DCTN4: variants seen among roughly 807,000 people sequenced by gnomAD.
The protein encoded by DCTN4 is dynactin 4 (p62).
A neutral mutation model predicts 62.7 loss-of-function variants in DCTN4; 23 were observed. The observed-to-expected ratio is 0.37, with a 90% CI of 0.26 to 0.52. The LOEUF (loss-of-function observed/expected upper bound fraction) is 0.52. Among genes scored for constraint, DCTN4 ranks in the 20% least tolerant of loss-of-function variants. The pLI, the probability that DCTN4 is intolerant of heterozygous loss-of-function variation, is 0.92. For missense variants in DCTN4, 514 were observed against 580.4 expected, an observed-to-expected ratio of 0.89 and a Z score of 1.18; for synonymous variants, 199 against 202.1, an observed-to-expected ratio of 0.98 and a Z score of 0.13.
chr5:150,731,070 T>G lies in DCTN4; in HGVS notation c.698A>C (p.Tyr233Ser), dbSNP rs543351232. ...DEVEPLPEDY[Y>S]TRPVNLTEVT... ...CTCTGTTAAATTTACTGGTCTTGTA[T>G]AATAGTCTTCAGGTAGAGGTTCCAC... The change falls in exon 7 of 13, where the codon TAT (tyrosine) becomes TCT (serine). Residue 233 changes from tyrosine to serine, a missense_variant. Coordinates refer to ENST00000447998, the MANE Select transcript of DCTN4 (RefSeq NM_016221.4). 1 of 1,607,000 alleles carries G rather than the reference T, an allele frequency of 6.2e-7. No individual in the cohort carries two copies. Among genetic ancestry groups the G allele is most frequent in the African/African-American group, 1.3e-5 (1 of 74,940 alleles).
At chr5:150,738,487 C>T (rs906203212) in intron 4 of DCTN4, among the ~76,000 whole-genome samples, 3 of 152,104 alleles carry the variant, frequency 2.0e-5, no homozygotes, top group Admixed American at 2.0e-4. Flanking sequence ...ATGTAATACA[C>T]CACATAAACA....
intron 3 of DCTN4, among the ~76,000 whole-genome samples, chr5:150,748,579 C>A (rs899671763): frequency 2.0e-5 from 3 of 150,144 alleles, no homozygotes; most frequent in African/African-American, 7.4e-5. Flanking sequence ...AAATGTGGCA[C>A]ATATACACCA....
In DCTN4 at chr5:150,749,437, T is replaced by C. The variant is rs371533320; in HGVS notation, c.385+4042A>G. 2.1e-4 allele frequency among the ~76,000 whole-genome samples: 32 copies of C among 152,338 alleles called. No individual in the cohort carries two copies. In the Middle Eastern group the frequency reaches 0.02, roughly 97 times the overall value. ...CTAGAATGGCTAAAATGGGTAAGAC[T>C]GACAATATGGCAAGGGTTGTCAAGG... On this transcript the variant is annotated intron_variant, in intron 3 of 12. Transcript: ENST00000447998.
At chr5:150,741,006 T>C (rs1181166105) in intron 4 of DCTN4, among the ~76,000 whole-genome samples, 2 of 151,984 alleles carry the variant, frequency 1.3e-5, no homozygotes, top group Admixed American at 6.6e-5. Flanking sequence ...GAATAATTTA[T>C]CCATGTAAGC....
rs865795199 is a variant in DCTN4, at chr5:150,744,315, T to C, written c.386-2158A>G. On this transcript the variant is annotated intron_variant, in intron 3 of 12. Coordinates refer to ENST00000447998, the MANE Select transcript of DCTN4 (RefSeq NM_016221.4). ...TGAAAAGACCAAATCTACGTCTGAT[T>C]GGTGTACCTGAAAGTGATGGGGAGA... Among the ~76,000 whole-genome samples the C allele has an allele frequency of 5.3e-3, 809 of 152,064 alleles. 7 individuals are homozygous for C. The highest frequency in any genetic ancestry group is 0.017 in the Middle Eastern group (5 of 294).
intron 12 of DCTN4, among the ~76,000 whole-genome samples, chr5:150,715,340 G>A (rs1323205718): frequency 6.6e-6 from 1 of 152,152 alleles, no homozygotes; most frequent in East Asian, 1.9e-4. Context: ...AGAAATATTT[G>A]GAAGGACAAA....
At chr5:150,757,748 T>C (rs2113166246) in intron 1 of DCTN4, among the ~76,000 whole-genome samples, 1 of 152,342 alleles carries the variant, frequency 6.6e-6, no homozygotes, top group Non-Finnish European at 1.5e-5. Flanking sequence ...ATGAAAAGTA[T>C]CTTCAATAAA....
intron 3 of DCTN4, among the ~76,000 whole-genome samples, chr5:150,751,146 T>C (rs10079853): frequency 0.15 from 22,912 of 152,142 alleles, 3,113 homozygotes; most frequent in African/African-American, 0.36. Flanking sequence ...TTGGGAGACA[T>C]AATAATCTCA....
chr5:150,757,439 T>C (rs1020952758), intron 1 of DCTN4, among the ~76,000 whole-genome samples: 3 of 152,158 alleles, frequency 2.0e-5, no homozygotes, highest in Admixed American at 1.3e-4. Context: ...GCTTCATCTT[T>C]CCCTAAACTC....
intron 12 of DCTN4, among the ~76,000 whole-genome samples, chr5:150,711,812 G>A (rs751105218): frequency 2.0e-5 from 3 of 152,008 alleles, no homozygotes; most frequent in Non-Finnish European, 2.9e-5. Context: ...AAGCCAACAC[G>A]TTGGCCATAT....
intron 12 of DCTN4, among the ~76,000 whole-genome samples, chr5:150,713,692 C>T (rs1759654400): frequency 6.6e-6 from 1 of 151,382 alleles, no homozygotes; most frequent in African/African-American, 2.4e-5. Flanking sequence ...GATCTGCCTG[C>T]CTCAGCCTCC....
intron 8 of DCTN4, 127 bp from the exon 9 acceptor site, chr5:150,723,107 A>C: frequency 3.0e-6 from 2 of 664,268 alleles, no homozygotes; most frequent in Non-Finnish European, 2.5e-6. Flanking sequence ...CTATAAGACC[A>C]TATGTTTTTG....
chr5:150,757,852 GAGTT>G (rs1752918966), intron 1 of DCTN4: 2 of 154,158 alleles, frequency 1.3e-5, no homozygotes, highest in Non-Finnish European at 1.4e-5. Flanking sequence ...AAAACACTCT[GAGTT>G]AGGCTGTTTA....
intron 3 of DCTN4, among the ~76,000 whole-genome samples, chr5:150,747,795 T>C (rs1047879035): frequency 6.7e-6 from 1 of 149,202 alleles, no homozygotes; most frequent in African/African-American, 2.5e-5. Context: ...TAATTCAAGA[T>C]GGATTAAAGA....
At chr5:150,727,213 T>C (rs1449039363) in intron 8 of DCTN4, among the ~76,000 whole-genome samples, 2 of 152,210 alleles carry the variant, frequency 1.3e-5, no homozygotes, top group African/African-American at 4.8e-5. Flanking sequence ...TTGTTTATAT[T>C]TTGTATCAGG....
intron 3 of DCTN4, among the ~76,000 whole-genome samples, chr5:150,745,726 A>T (rs1760936774): frequency 6.6e-6 from 1 of 152,202 alleles, no homozygotes; most frequent in Non-Finnish European, 1.5e-5. Context: ...AGAAATAAAG[A>T]TGTTCTTTGA....
At chr5:150,747,651 C>T (rs1581599036) in intron 3 of DCTN4, among the ~76,000 whole-genome samples, 1 of 151,880 alleles carries the variant, frequency 6.6e-6, no homozygotes, top group East Asian at 1.9e-4. Context: ...CTACAACTAT[C>T]TGATCTTTGA....
At chr5:150,731,527 T>C (rs1271335373) in intron 5 of DCTN4, 38 bp from the exon 6 acceptor site, 3 of 1,507,634 alleles carry the variant, frequency 2.0e-6, no homozygotes, top group Admixed American at 1.7e-5. Context: ...GAAAGTCCAC[T>C]TTTACACACC....
Position 150,757,200 on chromosome 5 carries a change from C to T in DCTN4, c.136-713G>A, listed in dbSNP as rs1752894133. On this transcript the variant is annotated intron_variant, in intron 1 of 12. Coordinates refer to ENST00000447998, the MANE Select transcript of DCTN4 (RefSeq NM_016221.4). ...TATGATAGAAACTGGCTTTTTTCAT[C>T]ATCTGCTATAAACAGGTCAATTTGA... Among the ~76,000 whole-genome samples, 3 of 152,272 alleles carry T rather than the reference C, an allele frequency of 2.0e-5. No individual in the cohort carries two copies. The South Asian group carries it at 6.2e-4, about 32-fold the overall frequency.
Sources: gnomAD v4.1 joint callset for allele counts (sites outside exome capture counted in the v4.1 genomes callset) on GRCh38, gnomAD v4.1.1 for gene constraint, MANE v1.5 for transcripts, NCBI Gene and HGNC (gene_info 2026-07-23, HGNC 2026-07-21) for gene names.